FOXP2: variants seen among roughly 807,000 people sequenced by gnomAD.
FOXP2 encodes the protein forkhead box protein P2.
Under a neutral mutation model 115.8 loss-of-function variants are expected in FOXP2, and 12 were observed. The ratio of observed to expected loss-of-function variants is 0.10; its 90% CI spans 0.07 to 0.17. The LOEUF (loss-of-function observed/expected upper bound fraction) is 0.17, where lower values mean the gene tolerates loss of function less well. Ranked by LOEUF, FOXP2 falls within the 10% of genes least tolerant of loss-of-function variation. The pLI is 1.00. For missense variants in FOXP2, 629 were observed against 843.5 expected, an observed-to-expected ratio of 0.75 and a Z score of 3.15; for synonymous variants, 328 against 297.7, an observed-to-expected ratio of 1.10 and a Z score of -1.05.
chr7:114,417,898 C>CGAACTGATA (rs1793419186), intron 1 of FOXP2, among the ~76,000 whole-genome samples: 1 of 151,800 alleles, frequency 6.6e-6, no homozygotes. Flanking sequence ...AAGAAATACA[C>CGAACTGATA]GAACTGATAT....
In FOXP2 at chr7:114,357,408, A is replaced by G. The variant is rs73716392; in HGVS notation, c.-10-69094A>G. Among the ~76,000 whole-genome samples the G allele has an allele frequency of 5.4e-3, 824 of 152,286 alleles. 3 individuals carry two copies. The highest frequency in any genetic ancestry group is 0.019 in the African/African-American group (785 of 41,560). On this transcript the variant is annotated intron_variant, in intron 2 of 17. Transcript: ENST00000634411. ...AAATCAAGAATTATGCTGGGCTTCA[A>G]GGTTCATTTGCTTTATTGGTTCAAT...
chr7:114,437,366 A>G (rs1195618985), intron 2 of FOXP2, among the ~76,000 whole-genome samples: 2 of 152,162 alleles, frequency 1.3e-5, no homozygotes, highest in South Asian at 2.1e-4. Context: ...AAGTCTTCCA[A>G]GTGTACATGG....
At chr7:114,250,381 A>G (rs1373202296) in intron 1 of FOXP2, among the ~76,000 whole-genome samples, 1 of 152,198 alleles carries the variant, frequency 6.6e-6, no homozygotes, top group Non-Finnish European at 1.5e-5. Flanking sequence ...ACTGACTTCC[A>G]CAATGGTTGA....
At chr7:114,146,282 G>A (rs951006385) in intron 1 of FOXP2, among the ~76,000 whole-genome samples, 12 of 152,154 alleles carry the variant, frequency 7.9e-5, no homozygotes, top group African/African-American at 2.2e-4. Context: ...CATGCTTAGC[G>A]TTCCAATAAT....
chr7:114,386,399 A>C (rs1457783937), intron 2 of FOXP2, among the ~76,000 whole-genome samples: 1 of 152,208 alleles, frequency 6.6e-6, no homozygotes, highest in Non-Finnish European at 1.5e-5. Context: ...AAAAGCACAA[A>C]AATGTACTAA....
chr7:114,616,415 T>G (rs6965437), intron 3 of FOXP2, among the ~76,000 whole-genome samples: 21,327 of 152,098 alleles, frequency 0.14, 1,882 homozygotes, highest in African/African-American at 0.25. Context: ...TGGCTGCCTC[T>G]GCCTCCCAAA....
chr7:114,222,347 A>G (rs1325127543), intron 1 of FOXP2, among the ~76,000 whole-genome samples: 2 of 151,916 alleles, frequency 1.3e-5, no homozygotes, highest in Non-Finnish European at 2.9e-5. Context: ...GTAGAGTTTC[A>G]CCATGTAGCC....
At chr7:114,402,832 T>A (rs1792919495) in intron 2 of FOXP2, among the ~76,000 whole-genome samples, 1 of 152,040 alleles carries the variant, frequency 6.6e-6, no homozygotes, top group African/African-American at 2.4e-5. Context: ...ATGATGAGTA[T>A]CTTGTTATGT....
At chr7:114,597,052 T>C (rs1170148105) in intron 3 of FOXP2, among the ~76,000 whole-genome samples, 1 of 152,040 alleles carries the variant, frequency 6.6e-6, no homozygotes, top group Non-Finnish European at 1.5e-5. Context: ...TGGTAGTGTG[T>C]AAGAAAAAAT....
chr7:114,176,210 TCTTGTCTTG>T (rs1793286799), intron 1 of FOXP2, among the ~76,000 whole-genome samples: 1 of 151,612 alleles, frequency 6.6e-6, no homozygotes, highest in African/African-American at 2.4e-5. Context: ...TCTTGTCTTG[TCTTGTCTTG>T]TCTTGTCTTG....
chr7:114,607,134 G>A (rs1803375514), intron 3 of FOXP2, among the ~76,000 whole-genome samples: 1 of 152,096 alleles, frequency 6.6e-6, no homozygotes, highest in African/African-American at 2.4e-5. Flanking sequence ...TTATAACTGG[G>A]CTAGTATCTG....
intron 1 of FOXP2, among the ~76,000 whole-genome samples, chr7:114,096,139 CTT>C (rs1372338309): frequency 1.3e-4 from 20 of 152,288 alleles, no homozygotes; most frequent in African/African-American, 4.8e-4. Context: ...AGGCGACTTT[CTT>C]TGTCACCATC....
chr7:114,545,441 A>G (rs75664735), intron 3 of FOXP2, among the ~76,000 whole-genome samples: 3,365 of 152,234 alleles, frequency 0.022, 140 homozygotes, highest in East Asian at 0.16. Flanking sequence ...TATTTTTACT[A>G]TTATGATTTC....
At chr7:114,189,277 A>T (rs760739426) in intron 1 of FOXP2, among the ~76,000 whole-genome samples, 9 of 152,212 alleles carry the variant, frequency 5.9e-5, no homozygotes, top group Non-Finnish European at 1.3e-4. Flanking sequence ...TATGATGTGT[A>T]TAGAAAGTTA....
intron 2 of FOXP2, among the ~76,000 whole-genome samples, chr7:114,358,704 T>A (rs1029629107): frequency 1.3e-5 from 2 of 152,110 alleles, no homozygotes; most frequent in South Asian, 2.1e-4. Context: ...GCCCTAGAGA[T>A]CTATGGAACT....
intron 5 of FOXP2, among the ~76,000 whole-genome samples, chr7:114,630,788 T>C (rs1357259595): frequency 6.6e-6 from 1 of 152,132 alleles, no homozygotes; most frequent in East Asian, 1.9e-4. Context: ...CCACATGACT[T>C]GCTCCATTAT....
chr7:114,414,818 G>C lies in FOXP2; in HGVS notation c.-553G>C, dbSNP rs963846736. Reference sequence around the variant, plus strand: ...GGAAGCAAGAAGTGTATTTATCACAGACATGAAAGCTAACCGAGGACTTGA... The same window carrying C: ...GGAAGCAAGAAGTGTATTTATCACACACATGAAAGCTAACCGAGGACTTGA... On this transcript the variant is annotated 5_prime_UTR_variant, in exon 1 of 17. Coordinates refer to ENST00000350908, the MANE Select transcript of FOXP2 (RefSeq NM_014491.4). 3.1e-6 allele frequency: 1 copy of C among 321,808 alleles called. No homozygotes were observed. The highest frequency in any genetic ancestry group is 6.1e-6 in the Non-Finnish European group (1 of 163,460). The allele number at this position is 321,808 out of a possible 1,614,324, so 19.9% of individuals were successfully genotyped here. A position where few individuals can be genotyped will look rare whatever the true frequency, so the allele number is the denominator to read the frequency against.
chr7:114,139,258 C>A (rs1395353747), intron 1 of FOXP2, among the ~76,000 whole-genome samples: 1 of 152,006 alleles, frequency 6.6e-6, no homozygotes, highest in East Asian at 1.9e-4. Context: ...AGTAGCAATA[C>A]CCATCCTCTG....
intron 16 of FOXP2, among the ~76,000 whole-genome samples, chr7:114,681,100 A>G (rs1412003775): frequency 6.6e-6 from 1 of 152,160 alleles, no homozygotes; most frequent in Non-Finnish European, 1.5e-5. Context: ...AATCTTGTAC[A>G]TTTATTCTTC....
Sources: allele counts gnomAD v4.1 joint callset (sites outside exome capture counted in the v4.1 genomes callset), GRCh38; gene constraint gnomAD v4.1.1; transcripts MANE v1.5; gene names NCBI Gene and HGNC (gene_info 2026-07-23, HGNC 2026-07-21).